ASTN1: variants seen among roughly 807,000 people sequenced by gnomAD.
ASTN1 encodes the protein astrotactin 1, also known as astrotactin-1.
Under a neutral mutation model 140.7 loss-of-function variants are expected in ASTN1, and 41 were observed. That is an observed-to-expected ratio of 0.29 (90% CI 0.23 to 0.38). The LOEUF (loss-of-function observed/expected upper bound fraction) is 0.38. Ranked by LOEUF, ASTN1 falls within the 10% of genes least tolerant of loss-of-function variation. The probability of loss-of-function intolerance (pLI) is 1.00; values close to 1 mark genes in which losing one functional copy is unlikely to be tolerated. For missense variants in ASTN1, 1,479 were observed against 1,678.8 expected (o/e 0.88, Z 2.08); for synonymous variants, 640 against 652.2 (o/e 0.98, Z 0.29).
intron 16 of ASTN1, among the ~76,000 whole-genome samples, chr1:176,921,446 A>G (rs1298510735): frequency 6.6e-6 from 1 of 152,228 alleles, no homozygotes; most frequent in East Asian, 1.9e-4. Flanking sequence ...CACAGGTTGC[A>G]TGTTATACCT....
rs1442937250 is a variant in ASTN1 at position 177,023,530 on chromosome 1, T to G, written c.1312A>C (p.Ser438Arg). 7 of 1,605,316 alleles carry G rather than the reference T, an allele frequency of 4.4e-6. No individual in the cohort carries two copies. Among genetic ancestry groups the G allele is most frequent in the African/African-American group, 1.3e-5 (1 of 74,192 alleles). Reference sequence around the variant, plus strand: ...ACTTGGGCAGGGTTCAGCCAGTCACTGGCATCCAGCTGGCTCCCCTCCAGC... The same window carrying G: ...ACTTGGGCAGGGTTCAGCCAGTCACGGGCATCCAGCTGGCTCCCCTCCAGC... ...ILLEGSQLDA[S>R]DWLNPAQVVL... The change falls in exon 7 of 23, where the codon AGT (serine) becomes CGT (arginine). Residue 438 changes from serine to arginine, a missense_variant. Physicochemically the swap from Ser to Arg is moderately radical, Grantham distance 110. Coordinates refer to ENST00000361833, the MANE Select transcript of ASTN1 (RefSeq NM_004319.3).
rs565666389 is a variant in ASTN1 at position 177,040,384 on chromosome 1, C to T, written c.472-7535G>A. Among the ~76,000 whole-genome samples the T allele has an allele frequency of 3.9e-5, 6 of 152,306 alleles. No individual in the cohort carries two copies. The South Asian group carries it at 8.3e-4, about 21-fold the overall frequency. ...GGCCCAGCCCGCGCTGCCTTGTTAA[C>T]CTCTCACTGGGGCAGTTACTACTGC... On this transcript the variant is annotated intron_variant, in intron 2 of 22. Transcript: ENST00000361833.
Position 177,051,551 on chromosome 1 carries a change from A to C in ASTN1, c.471+9527T>G, listed in dbSNP as rs558864198. Among the ~76,000 whole-genome samples the C allele has an allele frequency of 1.7e-4, 26 of 152,326 alleles. 1 individual carries two copies. The highest frequency in any genetic ancestry group is 5.5e-4 in the African/African-American group (23 of 41,578). ...GCCTAGATAATTCCTGCCATTGTCC[A>C]TATTAGGGTTTTCTCCATGGACACA... On this transcript the variant is annotated intron_variant, in intron 2 of 22. Coordinates refer to ENST00000361833, the MANE Select transcript of ASTN1 (RefSeq NM_004319.3).
At chr1:177,014,658 A>G (rs1161799271) in intron 8 of ASTN1, 133 bp downstream of exon 8, 3 of 729,044 alleles carry the variant, frequency 4.1e-6, no homozygotes, top group Non-Finnish European at 6.9e-6. Context: ...GCATAGTGAC[A>G]TTTTTACCCA....
At chr1:177,106,261 T>C (rs1478808157) in intron 1 of ASTN1, among the ~76,000 whole-genome samples, 3 of 152,222 alleles carry the variant, frequency 2.0e-5, no homozygotes, top group Non-Finnish European at 2.9e-5. Context: ...TAAATGTTGT[T>C]GCTTTTCCCA....
At chr1:177,124,787 G>C (rs1255745923) in intron 1 of ASTN1, among the ~76,000 whole-genome samples, 1 of 152,116 alleles carries the variant, frequency 6.6e-6, no homozygotes, top group Non-Finnish European at 1.5e-5. Flanking sequence ...CACTAAAAGG[G>C]GCAATAACTT....
chr1:177,089,063 G>A (rs1030470481), intron 1 of ASTN1, among the ~76,000 whole-genome samples: 15 of 152,262 alleles, frequency 9.9e-5, no homozygotes, highest in African/African-American at 3.6e-4. Context: ...GGCAGACAAA[G>A]GTGGTGAGCA....
At chr1:176,965,588 A>G (rs1452229952) in intron 8 of ASTN1, among the ~76,000 whole-genome samples, 1 of 152,220 alleles carries the variant, frequency 6.6e-6, no homozygotes, top group Non-Finnish European at 1.5e-5. Flanking sequence ...CCTTAAGAAG[A>G]GCAGCGTGAT....
At chr1:176,894,192 A>C (rs1006602309) in intron 17 of ASTN1, among the ~76,000 whole-genome samples, 6 of 152,006 alleles carry the variant, frequency 3.9e-5, no homozygotes, top group Non-Finnish European at 8.8e-5. Context: ...CCCACCTCCC[A>C]AGCCAACCAG....
intron 8 of ASTN1, among the ~76,000 whole-genome samples, chr1:176,971,127 G>T (rs1310516091): frequency 1.3e-5 from 2 of 152,116 alleles, no homozygotes; most frequent in African/African-American, 4.8e-5. Context: ...TTGCAAGAAG[G>T]GTGTAGTGAA....
intron 17 of ASTN1, among the ~76,000 whole-genome samples, chr1:176,894,349 A>G (rs935212958): frequency 1.3e-5 from 2 of 152,180 alleles, no homozygotes; most frequent in African/African-American, 2.4e-5. Flanking sequence ...CTCCTGAATC[A>G]TATTATCGTG....
intron 1 of ASTN1, among the ~76,000 whole-genome samples, chr1:177,143,371 C>G (rs1484847212): frequency 6.6e-6 from 1 of 152,160 alleles, no homozygotes; most frequent in Non-Finnish European, 1.5e-5. Flanking sequence ...ATAGGGAAGT[C>G]AGATTTGCTA....
intron 8 of ASTN1, among the ~76,000 whole-genome samples, chr1:176,984,062 C>T (rs1198662517): frequency 6.6e-6 from 1 of 152,316 alleles, no homozygotes; most frequent in Non-Finnish European, 1.5e-5. Flanking sequence ...TGTAACAGCC[C>T]AGCCAGAGGC....
At chr1:176,870,108 C>G (rs1230516509) in intron 21 of ASTN1, among the ~76,000 whole-genome samples, 1 of 152,156 alleles carries the variant, frequency 6.6e-6, no homozygotes, top group African/African-American at 2.4e-5. Flanking sequence ...TTTTTTCTTA[C>G]AGAGCTCAAA....
rs553144869 is a variant in ASTN1 at position 176,971,567 on chromosome 1, A to C, written c.1524-6330T>G. Among the ~76,000 whole-genome samples, 9 of 152,308 alleles carry C rather than the reference A, an allele frequency of 5.9e-5. No individual in the cohort carries two copies. In the East Asian group the frequency reaches 1.7e-3, roughly 29 times the overall value. ...ACTTGGACAACTTATACTATTCTTA[A>C]AGTCTAACTTAAAAATGACTTCCTA... On this transcript the variant is annotated intron_variant, in intron 8 of 22. Transcript: ENST00000361833.
chr1:176,981,327 T>A (rs758781289), intron 8 of ASTN1: 3 of 149,966 alleles, frequency 2.0e-5, no homozygotes, highest in Admixed American at 6.7e-5. Flanking sequence ...AGTAAGCAGA[T>A]GATTATTACA....
chr1:177,156,511 TA>T (rs1189332925), intron 1 of ASTN1, among the ~76,000 whole-genome samples: 1 of 151,962 alleles, frequency 6.6e-6, no homozygotes, highest in African/African-American at 2.4e-5. Context: ...ATAAAATCAA[TA>T]AAGTAGTACT....
Position 177,045,014 on chromosome 1 carries a change from GC to G in ASTN1, c.472-12166del, listed in dbSNP as rs1250138571. ...TGGGGTAATAGGTCTTTTTTTTTCT[GC>G]CTATCCCTGAACCTTTGTTCTCTCA... is the stretch of plus-strand genomic sequence containing the variant. On this transcript the variant is annotated intron_variant, in intron 2 of 22. Transcript: ENST00000361833. Among the ~76,000 whole-genome samples the G allele has an allele frequency of 2.0e-5, 3 of 151,676 alleles. No homozygotes were observed. In the East Asian group the frequency reaches 5.8e-4, roughly 29 times the overall value.
chr1:176,862,806 T>A lies in ASTN1; in HGVS notation c.*1478A>T. On this transcript the variant is annotated 3_prime_UTR_variant, in exon 23 of 23. Transcript: ENST00000361833. ...CGCCTGGCATACAGCAAGCACTCAA[T>A]AAATGTTATCTGTCACTACTACTAT... 1 of 985,098 alleles carries A rather than the reference T, an allele frequency of 1.0e-6. No individual in the cohort carries two copies. Among genetic ancestry groups the A allele is most frequent in the Non-Finnish European group, 1.2e-6 (1 of 829,622 alleles). 61.0% of individuals were successfully genotyped at this position (985,098 alleles called of 1,614,324 possible).
Sources: allele counts gnomAD v4.1 joint callset (sites outside exome capture counted in the v4.1 genomes callset), GRCh38; gene constraint gnomAD v4.1.1; transcripts MANE v1.5; gene names NCBI Gene and HGNC (gene_info 2026-07-23, HGNC 2026-07-21).